The following TUSC3 variants were observed in gnomAD, a reference collection of about 807,000 sequenced individuals.
TUSC3 encodes the protein tumor suppressor candidate 3, also known as dolichyl-diphosphooligosaccharide--protein glycosyltransferase subunit TUSC3.
Under a neutral mutation model 44.8 loss-of-function variants are expected in TUSC3, and 45 were observed. That is an observed-to-expected ratio of 1.00 (90% CI 0.79 to 1.29). The LOEUF is 1.29. Among genes scored for constraint, TUSC3 ranks in the 50% most tolerant of loss-of-function variants. The pLI, the probability that TUSC3 is intolerant of heterozygous loss-of-function variation, is 0.00. For missense variants in TUSC3, 519 were observed against 437.9 expected (o/e 1.19, Z -1.65); for synonymous variants, 212 against 152.9 (o/e 1.39, Z -2.85).
intron 1 of TUSC3, among the ~76,000 whole-genome samples, chr8:15,564,394 T>TA (rs1451458786): frequency 6.6e-6 from 1 of 152,164 alleles, no homozygotes; most frequent in African/African-American, 2.4e-5. Flanking sequence ...AGTAGTATTA[T>TA]AAAAAAGAAA....
At chr8:15,766,829 T>C (rs373503506), downstream of TUSC3, among the ~76,000 whole-genome samples, 11 of 152,168 alleles carry the variant, frequency 7.2e-5, no homozygotes, top group East Asian at 9.7e-4. Flanking sequence ...AAGGGAGTGG[T>C]TATTCTAAAT....
the TUSC3 span, among the ~76,000 whole-genome samples, chr8:15,794,532 G>A: frequency 2.0e-5 from 3 of 152,144 alleles, no homozygotes; most frequent in Non-Finnish European, 4.4e-5. Flanking sequence ...TTTCAGGAAG[G>A]TAGGTAAAAG....
At chr8:15,434,498 A>G (rs1187254515) in intron 1 of TUSC3, among the ~76,000 whole-genome samples, 1 of 149,196 alleles carries the variant, frequency 6.7e-6, no homozygotes, top group Non-Finnish European at 1.5e-5. Flanking sequence ...CTAACCTGAA[A>G]TATTCTATGT....
chr8:15,699,626 G>A (rs1809312292), intron 6 of TUSC3, among the ~76,000 whole-genome samples: 1 of 152,204 alleles, frequency 6.6e-6, no homozygotes, highest in Admixed American at 6.5e-5. Flanking sequence ...TTTATATCCT[G>A]ATAGCACATG....
At chr8:15,819,098 C>A in the TUSC3 span, among the ~76,000 whole-genome samples, 1 of 152,098 alleles carries the variant, frequency 6.6e-6, no homozygotes, top group African/African-American at 2.4e-5. Context: ...AGAAAATTCA[C>A]AGCATTCTTG....
chr8:15,762,676 T>G (rs908511403), intron 10 of TUSC3, among the ~76,000 whole-genome samples: 14 of 152,128 alleles, frequency 9.2e-5, no homozygotes, highest in African/African-American at 3.4e-4. Flanking sequence ...CATTTTATGA[T>G]TAAGGTTTCT....
chr8:15,740,988 A>G (rs1293678770), intron 7 of TUSC3, among the ~76,000 whole-genome samples: 6 of 152,188 alleles, frequency 3.9e-5, no homozygotes, highest in Admixed American at 6.5e-5. Context: ...GAAACATGTT[A>G]CTCATAGTTT....
chr8:15,640,609 A>G (rs1470009964), intron 2 of TUSC3, among the ~76,000 whole-genome samples: 3 of 152,230 alleles, frequency 2.0e-5, no homozygotes, highest in Non-Finnish European at 1.5e-5. Context: ...AGAATCTTAA[A>G]TAGAACTAGG....
intron 1 of TUSC3, among the ~76,000 whole-genome samples, chr8:15,558,833 C>A (rs918463421): frequency 2.0e-5 from 3 of 149,342 alleles, no homozygotes; most frequent in African/African-American, 7.4e-5. Flanking sequence ...GTTTGTATTT[C>A]TGTGGGATCG....
intron 1 of TUSC3, among the ~76,000 whole-genome samples, chr8:15,622,826 A>G (rs1440627103): frequency 6.6e-6 from 1 of 150,604 alleles, no homozygotes; most frequent in Non-Finnish European, 1.5e-5. Flanking sequence ...TTTTATGTCA[A>G]CCCCCATTGG....
At chr8:15,577,241 A>C (rs1585118577) in intron 1 of TUSC3, among the ~76,000 whole-genome samples, 1 of 150,308 alleles carries the variant, frequency 6.7e-6, no homozygotes, top group Admixed American at 6.7e-5. Context: ...GCTTGCGAAA[A>C]TTTTCTCCCA....
chr8:15,675,320 T>C (rs887256684), intron 6 of TUSC3, among the ~76,000 whole-genome samples: 1 of 151,862 alleles, frequency 6.6e-6, no homozygotes, highest in Non-Finnish European at 1.5e-5. Context: ...ATAAAACATA[T>C]TAAGGCATTG....
chr8:15,424,131 C>G (rs539969732), intron 1 of TUSC3, among the ~76,000 whole-genome samples: 1 of 151,576 alleles, frequency 6.6e-6, no homozygotes, highest in Non-Finnish European at 1.5e-5. Flanking sequence ...GCTGGGACTA[C>G]AGGCACACGC....
At chr8:15,504,809 T>C (rs569484436) in intron 2 of TUSC3, among the ~76,000 whole-genome samples, 2 of 150,550 alleles carry the variant, frequency 1.3e-5, no homozygotes, top group South Asian at 2.1e-4. Flanking sequence ...CCTGCCACCA[T>C]GCCCAGCTAA....
At chr8:15,421,121 C>G (rs1799733040) in intron 1 of TUSC3, among the ~76,000 whole-genome samples, 1 of 152,202 alleles carries the variant, frequency 6.6e-6, no homozygotes, top group South Asian at 2.1e-4. Flanking sequence ...GCTACTGATT[C>G]TGCAGTTCTT....
the TUSC3 span, among the ~76,000 whole-genome samples, chr8:15,851,290 C>T: frequency 6.6e-6 from 1 of 151,962 alleles, no homozygotes; most frequent in Non-Finnish European, 1.5e-5. Context: ...AGGGATACAT[C>T]AATGAAAAAA....
chr8:15,540,256 C>T (rs764115174), upstream of TUSC3: 4 of 883,564 alleles, frequency 4.5e-6, no homozygotes, highest in Non-Finnish European at 6.2e-6. Flanking sequence ...GAACCGGATG[C>T]TCTGTCAGTC....
At chr8:15,433,305 A>G (rs989241418) in intron 1 of TUSC3, among the ~76,000 whole-genome samples, 5 of 152,168 alleles carry the variant, frequency 3.3e-5, no homozygotes, top group East Asian at 1.9e-4. Context: ...GGCCACACCA[A>G]TGAAGTCAAA....
chr8:15,555,835 G>A (rs1393375839), intron 1 of TUSC3, among the ~76,000 whole-genome samples: 2 of 151,018 alleles, frequency 1.3e-5, no homozygotes, highest in South Asian at 2.1e-4. Flanking sequence ...AATTTCTTAC[G>A]GACTCTTTCA....
Sources: gnomAD v4.1 joint callset for allele counts (sites outside exome capture counted in the v4.1 genomes callset) on GRCh38, gnomAD v4.1.1 for gene constraint, MANE v1.5 for transcripts, NCBI Gene and HGNC (gene_info 2026-07-23, HGNC 2026-07-21) for gene names.